Variants in PRMT8 observed in about 807,000 individuals in gnomAD.
PRMT8 encodes protein arginine N-methyltransferase 8.
Under a neutral mutation model 47.1 loss-of-function variants are expected in PRMT8, and 7 were observed. The ratio of observed to expected loss-of-function variants is 0.15; its 90% CI spans 0.08 to 0.28. The LOEUF is 0.28. Among genes scored for constraint, PRMT8 ranks in the 10% least tolerant of loss-of-function variants. PRMT8 has a pLI of 1.00. For synonymous variants in PRMT8, 188 were observed against 186.5 expected (o/e 1.01, Z -0.07); for missense variants, 237 against 505.4 (o/e 0.47, Z 5.09).
intron 1 of PRMT8, among the ~76,000 whole-genome samples, chr12:3,464,891 G>A (rs966810538): frequency 3.3e-5 from 5 of 151,972 alleles, no homozygotes; most frequent in African/African-American, 4.8e-5. Context: ...TTAGGAGGCC[G>A]AGGTGGGTGG....
intron 8 of PRMT8, among the ~76,000 whole-genome samples, chr12:3,586,697 G>A (rs1169164923): frequency 2.0e-5 from 3 of 152,178 alleles, no homozygotes; most frequent in East Asian, 1.9e-4. Flanking sequence ...AGGTGATTGC[G>A]ATGCATGCTC....
chr12:3,486,670 A>G (rs944588879), upstream of PRMT8, among the ~76,000 whole-genome samples: 40 of 152,296 alleles, frequency 2.6e-4, no homozygotes, highest in African/African-American at 9.1e-4. Flanking sequence ...TGGCAGCACA[A>G]CAGAATCTTT....
In PRMT8 at chr12:3,566,821, A is replaced by G. The variant is rs1001848350; in HGVS notation, c.482-1885A>G. Among the ~76,000 whole-genome samples, 8 of 152,344 alleles carry G rather than the reference A, an allele frequency of 5.3e-5. No individual in the cohort carries two copies. Among genetic ancestry groups the G allele is most frequent in the Admixed American group, 3.3e-4 (5 of 15,302 alleles). ...GTGAGTTTTTTTCAGAGGATATTGC[A>G]GAATGAGAGTTTCAGAGCATGAATA... is the stretch of plus-strand genomic sequence containing the variant. On this transcript the variant is annotated intron_variant, in intron 4 of 9. Coordinates refer to ENST00000382622, the MANE Select transcript of PRMT8 (RefSeq NM_019854.5). This position sits in a 1 kb window ranked among gnomAD's most constrained non-coding sequence, Gnocchi z 4.7.
chr12:3,532,089 G>A (rs1866040167), intron 1 of PRMT8, among the ~76,000 whole-genome samples: 1 of 152,034 alleles, frequency 6.6e-6, no homozygotes, highest in Non-Finnish European at 1.5e-5. Flanking sequence ...AGCGACGGCC[G>A]ACATGGATTA....
rs1158875087 is a variant in PRMT8, at chr12:3,456,494, C to T, written c.48+75052C>T. 6.6e-6 allele frequency among the ~76,000 whole-genome samples: 1 copy of T among 152,174 alleles called. No homozygotes were observed. Among genetic ancestry groups the T allele is most frequent in the African/African-American group, 2.4e-5 (1 of 41,436 alleles). On this transcript the variant is annotated intron_variant, in intron 1 of 9. Coordinates refer to the PRMT8 transcript ENST00000452611. This position sits in a 1 kb window ranked among gnomAD's most constrained non-coding sequence, Gnocchi z 4.2. The stretch of plus-strand genomic sequence containing the variant: ...TCCTCTCCCAGGTGGGAGGGCAGGA[C>T]CCACGAGCACACATTCGGCATCACG...
In PRMT8 at chr12:3,492,421, C is replaced by G. The variant is rs1462928787; in HGVS notation, c.75+721C>G. Among the ~76,000 whole-genome samples the G allele has an allele frequency of 2.0e-5, 3 of 152,328 alleles. No homozygotes were observed. The highest frequency in any genetic ancestry group is 1.9e-4 in the East Asian group (1 of 5,164). ...CGCCCCTGCAGCAGCCGAGCCTGCG[C>G]GGACTGTGGGGGCTGCGCGCCGCCG... On this transcript the variant is annotated intron_variant, in intron 1 of 9. Coordinates refer to ENST00000382622, the MANE Select transcript of PRMT8 (RefSeq NM_019854.5). The surrounding 1 kb of genome is among the most constrained non-coding windows in gnomAD (Gnocchi z 7.5).
At chr12:3,558,961 C>CTATCTAT (rs1866579970) in intron 4 of PRMT8, among the ~76,000 whole-genome samples, 38 of 150,108 alleles carry the variant, frequency 2.5e-4, no homozygotes, top group South Asian at 1.3e-3. Flanking sequence ...TATCTATCTA[C>CTATCTAT]CTATCTATCT....
At chr12:3,465,183 ATT>A (rs1387447379) in intron 1 of PRMT8, among the ~76,000 whole-genome samples, 1 of 142,818 alleles carries the variant, frequency 7.0e-6, no homozygotes, top group African/African-American at 2.6e-5. Flanking sequence ...TTATATATAT[ATT>A]TTATAAATAT....
chr12:3,463,298 G>A (rs1865058626), intron 1 of PRMT8: 1 of 152,196 alleles, frequency 6.6e-6, no homozygotes, highest in South Asian at 2.1e-4. Context: ...TTAAGGTTAT[G>A]GTTGATGGGG....
At position 3,478,261 on chromosome 12, in the gene PRMT8, C is replaced by CATCTATCTATCT. The variant is rs760728898; in HGVS notation, c.49-62307_49-62296dup. On this transcript the variant is annotated intron_variant, in intron 1 of 9. Coordinates refer to the PRMT8 transcript ENST00000452611. ...TATTTATATCTATTGATCCACCTATCATCTATCTATCTATCTATCTATCTA... is the reference window on the plus strand; with the variant it reads ...TATTTATATCTATTGATCCACCTATCATCTATCTATCTATCTATCTATCTATCTATCTATCTA... Among the ~76,000 whole-genome samples the CATCTATCTATCT allele has an allele frequency of 2.6e-3, 336 of 127,498 alleles. 2 individuals carry two copies. Among genetic ancestry groups the CATCTATCTATCT allele is most frequent in the Middle Eastern group, 4.0e-3 (1 of 252 alleles). 83.6% of individuals were successfully genotyped at this position (127,498 alleles called of 152,430 possible).
intron 4 of PRMT8, among the ~76,000 whole-genome samples, chr12:3,560,441 ACAT>A (rs1866616068): frequency 6.6e-6 from 1 of 152,166 alleles, no homozygotes; most frequent in South Asian, 2.1e-4. Flanking sequence ...GGCTTCTTCC[ACAT>A]GTGTGGCCCA....
intron 1 of PRMT8, among the ~76,000 whole-genome samples, chr12:3,413,386 G>T: frequency 6.6e-6 from 1 of 152,104 alleles, no homozygotes; most frequent in Non-Finnish European, 1.5e-5. Context: ...CTTTTTCTTT[G>T]ATAAATTACC....
Position 3,508,465 on chromosome 12 carries a change from A to G in PRMT8, c.75+16765A>G, listed in dbSNP as rs1476981432. ...AGGGTCTGACATCTGAACGCGGGAG[A>G]GTGTGTTTCCTGTGAGAAACATGTT... On this transcript the variant is annotated intron_variant, in intron 1 of 9. Transcript: ENST00000382622. The surrounding 1 kb of genome is among the most constrained non-coding windows in gnomAD (Gnocchi z 4.9). Among the ~76,000 whole-genome samples, 1 of 152,138 alleles carries G rather than the reference A, an allele frequency of 6.6e-6. No individual in the cohort carries two copies. The highest frequency in any genetic ancestry group is 1.5e-5 in the Non-Finnish European group (1 of 68,034).
chr12:3,592,461 T>TA, intron 9 of PRMT8, 109 bp downstream of exon 9: 1 of 1,259,794 alleles, frequency 7.9e-7, no homozygotes. Flanking sequence ...GTCAGAAACT[T>TA]ACTGAGGCAG....
At chr12:3,429,149 A>AG (rs1404238428) in intron 1 of PRMT8, among the ~76,000 whole-genome samples, 3 of 151,886 alleles carry the variant, frequency 2.0e-5, no homozygotes, top group African/African-American at 7.3e-5. Flanking sequence ...GGTGGGGCGG[A>AG]GGGGGATGTC....
chr12:3,478,261 C>CGTCT (rs1252295930), intron 1 of PRMT8, among the ~76,000 whole-genome samples: 1 of 127,414 alleles, frequency 7.8e-6, no homozygotes, highest in Non-Finnish European at 1.7e-5. Context: ...ATCCACCTAT[C>CGTCT]ATCTATCTAT....
At chr12:3,584,474 T>C (rs1396400587) in intron 8 of PRMT8, among the ~76,000 whole-genome samples, 1 of 152,160 alleles carries the variant, frequency 6.6e-6, no homozygotes, top group Non-Finnish European at 1.5e-5. Context: ...CGCTTTCCCT[T>C]TGGGTCAAGG....
chr12:3,466,597 C>T (rs1485694237), intron 1 of PRMT8, among the ~76,000 whole-genome samples: 1 of 152,094 alleles, frequency 6.6e-6, no homozygotes, highest in Non-Finnish European at 1.5e-5. Context: ...CACTATCAGG[C>T]TAAATGGGTT....
Position 3,415,074 on chromosome 12 carries a change from C to T in PRMT8, c.48+33632C>T, listed in dbSNP as rs185497817. ...TGGTTTACCTGTGCTTCTGACCCAC[C>T]GGCTATACATTGGGGTTTCCTCAGC... On this transcript the variant is annotated intron_variant, in intron 1 of 9. Transcript: ENST00000452611. Among the ~76,000 whole-genome samples, 11 of 152,186 alleles carry T rather than the reference C, an allele frequency of 7.2e-5. No homozygotes were observed. In the East Asian group the frequency reaches 1.2e-3, roughly 16 times the overall value.
Sources: gnomAD v4.1 joint callset for allele counts (sites outside exome capture counted in the v4.1 genomes callset) on GRCh38, gnomAD v4.1.1 for gene constraint, Gnocchi (gnomAD v3.1) non-coding constraint, MANE v1.5 for transcripts, NCBI Gene and HGNC (gene_info 2026-07-23, HGNC 2026-07-21) for gene names.